AHI1: variants seen among roughly 807,000 people sequenced by gnomAD.
The protein encoded by AHI1 is jouberin.
Under a neutral mutation model 149.3 loss-of-function variants are expected in AHI1, and 123 were observed. The ratio of observed to expected loss-of-function variants is 0.82; its 90% confidence interval spans 0.71 to 0.96. The LOEUF (loss-of-function observed/expected upper bound fraction) is 0.96. AHI1 is among the 40% of genes least tolerant of loss of function. The pLI is 0.00. For synonymous variants in AHI1, 475 were observed against 459.8 expected (o/e 1.03, Z -0.42); for missense variants, 1,439 against 1,422.7 (o/e 1.01, Z -0.18).
In AHI1 at chr6:135,447,088, G is replaced by A; in HGVS notation, c.1699C>T (p.His567Tyr). 2 of 1,608,506 alleles carry A rather than the reference G, an allele frequency of 1.2e-6. No homozygotes were observed. The highest frequency in any genetic ancestry group is 1.1e-5 in the South Asian group (1 of 90,814). The change falls in exon 13 of 29, where the codon CAT (histidine) becomes TAT (tyrosine). Residue 567 changes from histidine (H) to tyrosine (Y), a missense_variant. His to Tyr is a moderately conservative substitution (Grantham distance 83, BLOSUM62 2). Coordinates refer to ENST00000265602, the MANE Select transcript of AHI1 (RefSeq NM_001134831.2). ...KGKPVHCERH[H>Y]ESSSVDTEPG... Reference sequence around the variant, plus strand: ...TCTGTGTCTACTGAGCTTGACTCATGGTGACGTTCACAATGCACTGGTTTA... The same window carrying A: ...TCTGTGTCTACTGAGCTTGACTCATAGTGACGTTCACAATGCACTGGTTTA...
At chr6:135,326,863 G>A (rs775443041) in intron 24 of AHI1, among the ~76,000 whole-genome samples, 9 of 151,946 alleles carry the variant, frequency 5.9e-5, no homozygotes, top group African/African-American at 1.9e-4. Context: ...CCTGGCCCCC[G>A]ACAGGTAATT....
In AHI1 at chr6:135,300,488, G is replaced by T; in HGVS notation, c.3485+12C>A. Reference sequence around the variant, plus strand: ...ATTTATCACTGCAAATTATTTTGAAGAAGTTGCTTACTGTGTCATAGATTC... The same window carrying T: ...ATTTATCACTGCAAATTATTTTGAATAAGTTGCTTACTGTGTCATAGATTC... On this transcript the variant is annotated intron_variant, in intron 27 of 28. Transcript: ENST00000265602. The T allele has an allele frequency of 6.3e-7, 1 of 1,593,974 alleles. No individual in the cohort carries two copies. Among genetic ancestry groups the T allele is most frequent in the Non-Finnish European group, 8.5e-7 (1 of 1,170,370 alleles).
At chr6:135,382,498 T>A (rs1034919824) in intron 23 of AHI1, among the ~76,000 whole-genome samples, 1 of 152,156 alleles carries the variant, frequency 6.6e-6, no homozygotes, top group African/African-American at 2.4e-5. Flanking sequence ...ACCAGTAAAT[T>A]CTATTATATC....
intron 23 of AHI1, among the ~76,000 whole-genome samples, chr6:135,385,257 T>A (rs1295476711): frequency 6.6e-6 from 1 of 151,842 alleles, no homozygotes; most frequent in Non-Finnish European, 1.5e-5. Flanking sequence ...TGAGTTAAAG[T>A]CATGGGATCA....
At chr6:135,460,962 C>G (rs1316142677) in intron 8 of AHI1, among the ~76,000 whole-genome samples, 1 of 152,000 alleles carries the variant, frequency 6.6e-6, no homozygotes, top group Non-Finnish European at 1.5e-5. Context: ...AAAACAGAAA[C>G]AGTAAAACTT....
At chr6:135,380,743 C>CCCCG (rs1554301810) in intron 23 of AHI1, among the ~76,000 whole-genome samples, 4 of 120,678 alleles carry the variant, frequency 3.3e-5, no homozygotes, top group African/African-American at 1.5e-4. Context: ...CCCCCCCCCC[C>CCCCG]CAAAAAAAAA....
chr6:135,305,506 C>G (rs1252740703), intron 26 of AHI1, among the ~76,000 whole-genome samples: 2 of 152,170 alleles, frequency 1.3e-5, no homozygotes, highest in African/African-American at 4.8e-5. Context: ...GAAGTCCTTC[C>G]TACATTCTTA....
At chr6:135,363,864 C>T (rs1291126289) in intron 23 of AHI1, among the ~76,000 whole-genome samples, 2 of 149,708 alleles carry the variant, frequency 1.3e-5, no homozygotes, top group African/African-American at 4.9e-5. Context: ...CCCTCACCCC[C>T]CGGACGGGGC....
At chr6:135,412,578 T>C (rs940338767) in intron 20 of AHI1, among the ~76,000 whole-genome samples, 5 of 152,230 alleles carry the variant, frequency 3.3e-5, no homozygotes, top group African/African-American at 1.2e-4. Flanking sequence ...ATAATGAGCA[T>C]GGTAGCATCT....
At chr6:135,398,054 GGAT>G (rs1400701261) in intron 22 of AHI1, among the ~76,000 whole-genome samples, 14 of 123,894 alleles carry the variant, frequency 1.1e-4, no homozygotes, top group African/African-American at 3.8e-4. Context: ...ATAATACCCA[GGAT>G]GTTTTTTTTT....
In AHI1 at chr6:135,492,505, T is replaced by A. The variant is rs187829654; in HGVS notation, c.-54-214A>T. The stretch of plus-strand genomic sequence containing the variant: ...ATCAAGGGAAACAAACTAGATCATA[T>A]CTGAATAAAGTATTTATATATTTGA... On this transcript the variant is annotated intron_variant, in intron 3 of 28. Coordinates refer to ENST00000265602, the MANE Select transcript of AHI1 (RefSeq NM_001134831.2). The A allele has an allele frequency of 4.5e-5, 52 of 1,165,076 alleles. No individual in the cohort carries two copies. In the African/African-American group the frequency reaches 8.1e-4, roughly 18 times the overall value. The allele number at this position is 1,165,076 out of a possible 1,614,324, so 72.2% of individuals were successfully genotyped here.
At chr6:135,360,531 C>T (rs1390090034) in intron 23 of AHI1, among the ~76,000 whole-genome samples, 1 of 152,164 alleles carries the variant, frequency 6.6e-6, no homozygotes. Context: ...GTCTTGCCAG[C>T]CCCCACAATG....
intron 23 of AHI1, 112 bp downstream of exon 23, chr6:135,394,664 A>G (rs774831959): frequency 1.6e-5 from 22 of 1,395,974 alleles, no homozygotes; most frequent in Non-Finnish European, 2.1e-5. Context: ...TAATTTGTCA[A>G]GTGTAAAAAC....
In AHI1 at chr6:135,300,551, A is replaced by G; in HGVS notation, c.3434T>C (p.Ile1145Thr). 1 of 1,606,768 alleles carries G rather than the reference A, an allele frequency of 6.2e-7. No homozygotes were observed. The highest frequency in any genetic ancestry group is 8.5e-7 in the Non-Finnish European group (1 of 1,176,424). ...EKSPAPQKQS[I>T]NKNKSQDFRL... The stretch of plus-strand genomic sequence containing the variant: ...GAAGTCCTGGGACTTGTTCTTATTG[A>G]TTGATTGCTGTGGAAGAAGAGGAAA... The change falls in exon 27 of 29, where the codon ATC becomes ACC. Residue 1145 changes from isoleucine to threonine, a missense_variant. Transcript: ENST00000265602.
chr6:135,466,873 C>T (rs551076496), intron 6 of AHI1, among the ~76,000 whole-genome samples: 2 of 152,264 alleles, frequency 1.3e-5, no homozygotes, highest in African/African-American at 4.8e-5. Context: ...TAAAATGCTG[C>T]TAAATATTAC....
chr6:135,331,699 G>A (rs1418909190), intron 24 of AHI1, among the ~76,000 whole-genome samples: 1 of 152,112 alleles, frequency 6.6e-6, no homozygotes, highest in Non-Finnish European at 1.5e-5. Context: ...CAAGTCATTC[G>A]ACAAGCTAAG....
chr6:135,411,106 C>A (rs975934092), intron 21 of AHI1, among the ~76,000 whole-genome samples: 1 of 152,174 alleles, frequency 6.6e-6, no homozygotes, highest in African/African-American at 2.4e-5. Context: ...TCCCTTATCA[C>A]TAGGTGCTGG....
At chr6:135,389,126 T>A (rs546904245) in intron 23 of AHI1, among the ~76,000 whole-genome samples, 1 of 151,498 alleles carries the variant, frequency 6.6e-6, no homozygotes, top group South Asian at 2.1e-4. Flanking sequence ...CTGGCTAACA[T>A]GGTGAAACCC....
chr6:135,388,847 A>G (rs1004375886), intron 23 of AHI1, among the ~76,000 whole-genome samples: 2 of 151,494 alleles, frequency 1.3e-5, no homozygotes, highest in African/African-American at 4.9e-5. Context: ...CCCCGTCTCT[A>G]CTAAAAATAC....
Sources: gnomAD v4.1 joint callset for allele counts (sites outside exome capture counted in the v4.1 genomes callset) on GRCh38, gnomAD v4.1.1 for gene constraint, MANE v1.5 for transcripts, NCBI Gene and HGNC (gene_info 2026-07-23, HGNC 2026-07-21) for gene names.